RPS6KA5: variants seen among roughly 807,000 people sequenced by gnomAD.
RPS6KA5 encodes the protein ribosomal protein S6 kinase alpha-5.
RPS6KA5 carries 27 observed loss-of-function variants against 85.5 expected under a neutral mutation model. That is an observed-to-expected ratio of 0.32 (90% CI 0.23 to 0.44). The LOEUF (loss-of-function observed/expected upper bound fraction) is 0.44, where lower values mean the gene tolerates loss of function less well. Among genes scored for constraint, RPS6KA5 ranks in the 20% least tolerant of loss-of-function variants. RPS6KA5 has a pLI of 1.00. For synonymous variants in RPS6KA5, 334 were observed against 348.2 expected, an observed-to-expected ratio of 0.96 and a Z score of 0.46; for missense variants, 811 against 980.9, an observed-to-expected ratio of 0.83 and a Z score of 2.31.
In RPS6KA5 at chr14:91,017,450, T is replaced by C. The variant is rs141183649; in HGVS notation, c.104-16291A>G. Among the ~76,000 whole-genome samples the C allele has an allele frequency of 1.9e-3, 294 of 152,334 alleles. 1 individual carries two copies. The highest frequency in any genetic ancestry group is 6.6e-3 in the African/African-American group (276 of 41,572). On this transcript the variant is annotated intron_variant, in intron 1 of 16. Transcript: ENST00000614987. Reference sequence around the variant, plus strand: ...CTTCACAGCAAATGAAGTGTGACAGTAGGCCCACACTCATGGAATTCACTG... The same window carrying C: ...CTTCACAGCAAATGAAGTGTGACAGCAGGCCCACACTCATGGAATTCACTG...
chr14:91,043,703 A>T (rs1450919894), intron 1 of RPS6KA5, among the ~76,000 whole-genome samples: 1 of 152,188 alleles, frequency 6.6e-6, no homozygotes, highest in African/African-American at 2.4e-5. Flanking sequence ...ACTTACTTTG[A>T]TAGGTACAAA....
intron 2 of RPS6KA5, among the ~76,000 whole-genome samples, chr14:90,986,547 G>A (rs541803147): frequency 6.6e-6 from 1 of 152,264 alleles, no homozygotes; most frequent in Admixed American, 6.5e-5. Context: ...CAAGCTGTTT[G>A]CCTAACTAAA....
At chr14:91,002,185 G>A (rs1262317991) in intron 1 of RPS6KA5, among the ~76,000 whole-genome samples, 2 of 152,016 alleles carry the variant, frequency 1.3e-5, no homozygotes, top group Non-Finnish European at 2.9e-5. Flanking sequence ...AATGTAAAAT[G>A]GGCATAAAAA....
chr14:91,060,122 G>A (rs2043583069), intron 1 of RPS6KA5: 13 of 985,104 alleles, frequency 1.3e-5, no homozygotes, highest in Non-Finnish European at 1.4e-5. Flanking sequence ...TCATTCCCGG[G>A]CTGGGGAAAA....
intron 14 of RPS6KA5, among the ~76,000 whole-genome samples, chr14:90,878,685 G>A (rs1595106400): frequency 6.6e-6 from 1 of 152,154 alleles, no homozygotes; most frequent in African/African-American, 2.4e-5. Flanking sequence ...CAGTGGTCAG[G>A]GACATAATGA....
chr14:90,974,334 GA>G (rs2039466469), intron 3 of RPS6KA5, among the ~76,000 whole-genome samples: 1 of 152,172 alleles, frequency 6.6e-6, no homozygotes, highest in Non-Finnish European at 1.5e-5. Context: ...TAAGTTAAAA[GA>G]TACTATAAGG....
At chr14:90,979,517 A>G (rs2039705125) in intron 2 of RPS6KA5, among the ~76,000 whole-genome samples, 2 of 152,052 alleles carry the variant, frequency 1.3e-5, no homozygotes, top group Non-Finnish European at 2.9e-5. Flanking sequence ...CAATATTCAC[A>G]CTCTATGGCA....
intron 1 of RPS6KA5, among the ~76,000 whole-genome samples, chr14:91,028,011 CTT>C (rs757722970): frequency 6.6e-6 from 1 of 152,146 alleles, no homozygotes; most frequent in Non-Finnish European, 1.5e-5. Flanking sequence ...ACTACAATGA[CTT>C]AACATTAAAA....
Position 90,865,667 on chromosome 14 carries a change from C to T in RPS6KA5, c.*6407G>A, listed in dbSNP as rs1304195351. ...TTTAGTGCTCCATTTGGACTGGTCT[C>T]TGGCCACTGGATGTCAGTGTTTGGA... is the stretch of plus-strand genomic sequence containing the variant. On this transcript the variant is annotated 3_prime_UTR_variant, in exon 17 of 17. Coordinates refer to ENST00000614987, the MANE Select transcript of RPS6KA5 (RefSeq NM_004755.4). 2 of 152,214 alleles carry T rather than the reference C, an allele frequency of 1.3e-5. No individual in the cohort carries two copies. The highest frequency in any genetic ancestry group is 4.8e-5 in the African/African-American group (2 of 41,460). The allele number at this position is 152,214 out of a possible 1,614,324, so 9.4% of individuals were successfully genotyped here. A position where few individuals can be genotyped will look rare whatever the true frequency, so the allele number is the denominator to read the frequency against.
At chr14:91,021,150 T>C (rs1157290897) in intron 1 of RPS6KA5, among the ~76,000 whole-genome samples, 1 of 152,182 alleles carries the variant, frequency 6.6e-6, no homozygotes, top group Non-Finnish European at 1.5e-5. Flanking sequence ...CCTATCTAGA[T>C]TGAGCATTCA....
intron 14 of RPS6KA5, among the ~76,000 whole-genome samples, chr14:90,886,851 G>A (rs1438421669): frequency 6.6e-6 from 1 of 152,168 alleles, no homozygotes; most frequent in Non-Finnish European, 1.5e-5. Context: ...CAGGTATAAT[G>A]GGTTGTAATC....
intron 2 of RPS6KA5, among the ~76,000 whole-genome samples, chr14:90,993,651 C>A (rs553136380): frequency 6.6e-6 from 1 of 152,286 alleles, no homozygotes; most frequent in South Asian, 2.1e-4. Context: ...AATTGTTGTT[C>A]CTTTATAAAT....
intron 1 of RPS6KA5, among the ~76,000 whole-genome samples, chr14:91,013,263 A>T (rs2041335989): frequency 6.6e-6 from 1 of 152,188 alleles, no homozygotes; most frequent in Non-Finnish European, 1.5e-5. Context: ...ACATTGTGCA[A>T]AGCACTGACA....
intron 3 of RPS6KA5, among the ~76,000 whole-genome samples, chr14:90,977,285 C>T (rs1186053231): frequency 2.6e-5 from 4 of 152,168 alleles, no homozygotes; most frequent in East Asian, 3.8e-4. Flanking sequence ...AAAACAAGCA[C>T]GGGACCAAAA....
At chr14:91,055,670 T>A (rs1055277850) in intron 1 of RPS6KA5, among the ~76,000 whole-genome samples, 2 of 152,068 alleles carry the variant, frequency 1.3e-5, no homozygotes, top group African/African-American at 4.8e-5. Flanking sequence ...CCAGAGTTAC[T>A]CAGGAGGCTG....
rs1013638508 is a variant in RPS6KA5 at position 90,868,668 on chromosome 14, C to T, written c.*3406G>A. On this transcript the variant is annotated 3_prime_UTR_variant, in exon 17 of 17. Transcript: ENST00000614987. The stretch of plus-strand genomic sequence containing the variant: ...AGAAATTTTCACCATTATGAGGTAC[C>T]CTGTTTTTAATAAATATGACAATAA... The T allele has an allele frequency of 2.0e-5, 3 of 151,954 alleles. No homozygotes were observed. Among genetic ancestry groups the T allele is most frequent in the African/African-American group, 4.8e-5 (2 of 41,366 alleles). The allele number at this position is 151,954 out of a possible 1,614,324, so 9.4% of individuals were successfully genotyped here.
intron 2 of RPS6KA5, among the ~76,000 whole-genome samples, chr14:90,998,179 G>A (rs2040615040): frequency 6.6e-6 from 1 of 152,180 alleles, no homozygotes. Context: ...AAAAAAGTCA[G>A]TTAGTGGTTG....
At chr14:90,994,567 T>TA (rs1566839766) in intron 2 of RPS6KA5, among the ~76,000 whole-genome samples, 1 of 119,524 alleles carries the variant, frequency 8.4e-6, no homozygotes, top group Non-Finnish European at 1.7e-5. Context: ...TGTGATTTTT[T>TA]TTTTTTTTTT....
At position 90,849,401 on chromosome 14, in the gene RPS6KA5, A is replaced by ATCT. The variant is rs2031877002; in HGVS notation, c.*22672_*22673insAGA. 2 of 152,238 alleles carry ATCT rather than the reference A, an allele frequency of 1.3e-5. No homozygotes were observed. The highest frequency in any genetic ancestry group is 2.9e-5 in the Non-Finnish European group (2 of 68,058). 9.4% of individuals were successfully genotyped at this position (152,238 alleles called of 1,614,324 possible). A position where few individuals can be genotyped will look rare whatever the true frequency, so the allele number is the denominator to read the frequency against. ...TATGAATAGATCCACTTTGGTTGGTAATTCTTCTGCCTGACAGGCTGCCTT... is the reference window on the plus strand; with the variant it reads ...TATGAATAGATCCACTTTGGTTGGTATCTATTCTTCTGCCTGACAGGCTGCCTT... On this transcript the variant is annotated 3_prime_UTR_variant, in exon 17 of 17. Coordinates refer to ENST00000614987, the MANE Select transcript of RPS6KA5 (RefSeq NM_004755.4).
Sources: gnomAD v4.1 joint callset for allele counts (sites outside exome capture counted in the v4.1 genomes callset) on GRCh38, gnomAD v4.1.1 for gene constraint, MANE v1.5 for transcripts, NCBI Gene and HGNC (gene_info 2026-07-23, HGNC 2026-07-21) for gene names.